The following CERS6 variants were observed in gnomAD, a reference collection of about 807,000 sequenced individuals.
CERS6 encodes LAG1 homolog, ceramide synthase 6.
Under a neutral mutation model 56.8 loss-of-function variants are expected in CERS6, and 26 were observed. The observed-to-expected ratio is 0.46, with a 90% CI of 0.34 to 0.63. CERS6 has a LOEUF of 0.63. Among genes scored for constraint, CERS6 ranks in the 30% least tolerant of loss-of-function variants. The pLI, the probability that CERS6 is intolerant of heterozygous loss-of-function variation, is 0.01. For missense variants in CERS6, 415 were observed against 467.5 expected (o/e 0.89, Z 1.04); for synonymous variants, 164 against 173.3 (o/e 0.95, Z 0.42).
chr2:168,725,310 G>A (rs1683318996), intron 8 of CERS6, among the ~76,000 whole-genome samples: 1 of 152,246 alleles, frequency 6.6e-6, no homozygotes, highest in Non-Finnish European at 1.5e-5. Context: ...CTGAGGGAGT[G>A]GGCTCCGGCC....
intron 2 of CERS6, among the ~76,000 whole-genome samples, chr2:168,552,383 C>T (rs1296775388): frequency 7.2e-6 from 1 of 139,526 alleles, no homozygotes; most frequent in Non-Finnish European, 1.6e-5. Flanking sequence ...CACACACACA[C>T]ACACACACTA....
chr2:168,515,537 A>G (rs753301306), intron 1 of CERS6, among the ~76,000 whole-genome samples: 6 of 152,200 alleles, frequency 3.9e-5, no homozygotes, highest in Non-Finnish European at 8.8e-5. Context: ...GTTCATTGCT[A>G]AACATGCCAG....
Position 168,772,563 on chromosome 2 carries a change from A to G in CERS6, c.*2901A>G, listed in dbSNP as rs1053046635. 2 of 152,618 alleles carry G rather than the reference A, an allele frequency of 1.3e-5. No homozygotes were observed. Among genetic ancestry groups the G allele is most frequent in the African/African-American group, 4.8e-5 (2 of 41,436 alleles). The allele number at this position is 152,618 out of a possible 1,614,324, so 9.5% of individuals were successfully genotyped here. ...TCAGCCTCCTGTTCATGTTCCCCAC[A>G]CACCTGAAGGTGGTAGAATCTTTTC... is the stretch of plus-strand genomic sequence containing the variant. On this transcript the variant is annotated 3_prime_UTR_variant, in exon 10 of 10. Coordinates refer to ENST00000305747, the MANE Select transcript of CERS6 (RefSeq NM_203463.3).
At chr2:168,738,205 G>A (rs76148316) in intron 8 of CERS6, among the ~76,000 whole-genome samples, 2,409 of 152,280 alleles carry the variant, frequency 0.016, 59 homozygotes, top group African/African-American at 0.055. Flanking sequence ...AATGAAGCTG[G>A]GCGTGGTAGT....
intron 9 of CERS6, among the ~76,000 whole-genome samples, chr2:168,768,904 CAA>C (rs765504573): frequency 1.0e-4 from 6 of 59,390 alleles, no homozygotes; most frequent in Non-Finnish European, 1.8e-4. Context: ...GACTCTGACT[CAA>C]AAAAAAAAAA....
intron 2 of CERS6, among the ~76,000 whole-genome samples, chr2:168,548,447 A>C (rs1370164719): frequency 1.3e-5 from 2 of 152,212 alleles, no homozygotes; most frequent in African/African-American, 4.8e-5. Flanking sequence ...GGCCATAGGA[A>C]AATAGAGCAA....
At chr2:168,663,088 G>T (rs1173963488) in intron 4 of CERS6, among the ~76,000 whole-genome samples, 1 of 152,160 alleles carries the variant, frequency 6.6e-6, no homozygotes. Flanking sequence ...GGTTTATGTT[G>T]TTTTGCATTC....
chr2:168,658,557 C>T (rs1239581034), intron 4 of CERS6, among the ~76,000 whole-genome samples: 3 of 152,216 alleles, frequency 2.0e-5, no homozygotes, highest in East Asian at 1.9e-4. Flanking sequence ...TAGTCATCCC[C>T]AGCGTCAGGC....
chr2:168,640,145 G>A (rs1684953541), intron 4 of CERS6, among the ~76,000 whole-genome samples: 1 of 152,194 alleles, frequency 6.6e-6, no homozygotes, highest in African/African-American at 2.4e-5. Context: ...AAGAGAGACT[G>A]CTGGAGTGAG....
chr2:168,599,907 C>G (rs1683891734), intron 3 of CERS6, among the ~76,000 whole-genome samples: 2 of 152,114 alleles, frequency 1.3e-5, no homozygotes, highest in African/African-American at 4.8e-5. Context: ...AGCATAAGAC[C>G]AGAATGGCCT....
At chr2:168,595,281 T>C (rs536698608) in intron 3 of CERS6, among the ~76,000 whole-genome samples, 1 of 152,338 alleles carries the variant, frequency 6.6e-6, no homozygotes, top group South Asian at 2.1e-4. Context: ...TCCCAGCTCC[T>C]GACTTTCAGA....
At chr2:168,674,752 G>A (rs1212292416) in intron 4 of CERS6, among the ~76,000 whole-genome samples, 1 of 152,116 alleles carries the variant, frequency 6.6e-6, no homozygotes, top group Admixed American at 6.5e-5. Context: ...TCGGCTCCAT[G>A]TGATATTCAG....
intron 3 of CERS6, among the ~76,000 whole-genome samples, chr2:168,629,992 A>G (rs1051990814): frequency 1.3e-5 from 2 of 151,634 alleles, no homozygotes; most frequent in African/African-American, 2.4e-5. Context: ...AATTTTTTGT[A>G]TTTTTATTAG....
At chr2:168,624,667 C>A (rs1413644355) in intron 3 of CERS6, among the ~76,000 whole-genome samples, 3 of 152,162 alleles carry the variant, frequency 2.0e-5, no homozygotes, top group African/African-American at 7.2e-5. Flanking sequence ...ATGACTACTT[C>A]TATCAAACTT....
chr2:168,548,158 A>G (rs1467891031), intron 2 of CERS6, among the ~76,000 whole-genome samples: 1 of 152,240 alleles, frequency 6.6e-6, no homozygotes, highest in Non-Finnish European at 1.5e-5. Flanking sequence ...AAAAACAACA[A>G]GAAGGCATAA....
chr2:168,495,450 C>A (rs1486696384), intron 1 of CERS6, among the ~76,000 whole-genome samples: 1 of 152,146 alleles, frequency 6.6e-6, no homozygotes, highest in African/African-American at 2.4e-5. Flanking sequence ...TTCAGACTGT[C>A]CCTGTCTCTC....
At chr2:168,555,438 T>A (rs1695657630) in intron 2 of CERS6, among the ~76,000 whole-genome samples, 1 of 151,562 alleles carries the variant, frequency 6.6e-6, no homozygotes, top group Non-Finnish European at 1.5e-5. Context: ...AACAACAAAA[T>A]GAATGGAGAT....
intron 1 of CERS6, among the ~76,000 whole-genome samples, chr2:168,503,401 C>T (rs1694619610): frequency 6.6e-6 from 1 of 152,118 alleles, no homozygotes; most frequent in Non-Finnish European, 1.5e-5. Context: ...AAGGAGGCTG[C>T]AACAAACTAT....
At chr2:168,595,911 C>G (rs534943436) in intron 3 of CERS6, among the ~76,000 whole-genome samples, 1 of 151,736 alleles carries the variant, frequency 6.6e-6, no homozygotes, top group Non-Finnish European at 1.5e-5. Flanking sequence ...TTCATATTTT[C>G]TTCCAGATGT....
Sources: gnomAD v4.1 joint callset for allele counts (sites outside exome capture counted in the v4.1 genomes callset) on GRCh38, gnomAD v4.1.1 for gene constraint, MANE v1.5 for transcripts, NCBI Gene and HGNC (gene_info 2026-07-23, HGNC 2026-07-21) for gene names.